MAPKAP1: variants seen among roughly 807,000 people sequenced by gnomAD.
MAPKAP1 encodes MAPK associated protein 1.
MAPKAP1 carries 20 observed loss-of-function variants against 65.7 expected under a neutral mutation model. That is an observed-to-expected ratio of 0.30 (90% CI 0.21 to 0.44). MAPKAP1 has a LOEUF of 0.44. Ranked by LOEUF, MAPKAP1 falls within the 20% of genes least tolerant of loss-of-function variation. The probability of loss-of-function intolerance (pLI) is 1.00; values close to 1 mark genes in which losing one functional copy is unlikely to be tolerated. For synonymous variants in MAPKAP1, 222 were observed against 244.3 expected (o/e 0.91, Z 0.85); for missense variants, 423 against 648.0 (o/e 0.65, Z 3.77).
chr9:125,538,314 C>G (rs1320418425), intron 7 of MAPKAP1, among the ~76,000 whole-genome samples: 3 of 152,014 alleles, frequency 2.0e-5, no homozygotes, highest in Admixed American at 2.0e-4. Context: ...TGACTTGGAC[C>G]CATCCAACAG....
At chr9:125,517,897 T>C (rs1433363162) in intron 7 of MAPKAP1, among the ~76,000 whole-genome samples, 1 of 152,156 alleles carries the variant, frequency 6.6e-6, no homozygotes, top group Non-Finnish European at 1.5e-5. Flanking sequence ...AGAAGTACTT[T>C]TGTCTATTTG....
At chr9:125,577,248 G>A (rs1460813821) in intron 5 of MAPKAP1, among the ~76,000 whole-genome samples, 2 of 149,638 alleles carry the variant, frequency 1.3e-5, no homozygotes, top group Admixed American at 6.6e-5. Context: ...CCTGGCAACC[G>A]CCCCGTCTGA....
chr9:125,451,514 G>C (rs1420004224), intron 10 of MAPKAP1, among the ~76,000 whole-genome samples: 1 of 152,124 alleles, frequency 6.6e-6, no homozygotes, highest in Non-Finnish European at 1.5e-5. Context: ...CCTTTCTCCA[G>C]AGTTTCAGAG....
intron 1 of MAPKAP1, among the ~76,000 whole-genome samples, chr9:125,673,005 T>C (rs1169372658): frequency 6.6e-6 from 1 of 152,220 alleles, no homozygotes; most frequent in African/African-American, 2.4e-5. Context: ...TATAAGGTCA[T>C]GGGGGAACAA....
chr9:125,673,201 A>G (rs1000058488), intron 1 of MAPKAP1, among the ~76,000 whole-genome samples: 9 of 152,136 alleles, frequency 5.9e-5, no homozygotes, highest in African/African-American at 2.2e-4. Flanking sequence ...TTTTCCTGTC[A>G]AGATAGTATT....
At chr9:125,521,327 TGTTA>T in intron 7 of MAPKAP1, 1 of 323,390 alleles carries the variant, frequency 3.1e-6, no homozygotes, top group Admixed American at 6.3e-5. Flanking sequence ...AGATATCACT[TGTTA>T]GAGAGGTTGG....
chr9:125,641,861 A>G (rs1324497041), intron 4 of MAPKAP1, among the ~76,000 whole-genome samples: 3 of 150,890 alleles, frequency 2.0e-5, no homozygotes, highest in Admixed American at 1.3e-4. Context: ...GTGAAACCCC[A>G]TCTCTACTAA....
rs1331684499 is a variant in MAPKAP1 at position 125,438,929 on chromosome 9, C to A, written c.1527G>T (p.Thr509=). Reference sequence around the variant, plus strand: ...TCTTCTCCTTCTGGAAGCTGAAGCTCGTACGTCTGTTCAGTTTTCTTTGTT... The same window carrying A: ...TCTTCTCCTTCTGGAAGCTGAAGCTAGTACGTCTGTTCAGTTTTCTTTGTT... ...AQKQRKLNRR[T]SFSFQKEKKS... is the part of the protein sequence containing the mutation. Residue 509 remains threonine, a synonymous_variant, in exon 12 of 12, where the codon ACG becomes ACT. Coordinates refer to ENST00000265960, the MANE Select transcript of MAPKAP1 (RefSeq NM_001006617.3). 1.2e-6 allele frequency: 2 copies of A among 1,614,214 alleles called. No homozygotes were observed. The highest frequency in any genetic ancestry group is 3.3e-5 in the Admixed American group (2 of 60,032).
At chr9:125,571,687 C>T (rs79030052) in intron 5 of MAPKAP1, among the ~76,000 whole-genome samples, 1 of 89,424 alleles carries the variant, frequency 1.1e-5, no homozygotes, top group African/African-American at 3.5e-5. Context: ...GGTGAAACCC[C>T]ATCTTTACTA....
chr9:125,610,321 G>A (rs1416415418), intron 4 of MAPKAP1, among the ~76,000 whole-genome samples: 1 of 152,056 alleles, frequency 6.6e-6, no homozygotes, highest in Non-Finnish European at 1.5e-5. Context: ...ACAGAAAACA[G>A]TTAAACATAT....
At chr9:125,682,517 CA>C in intron 1 of MAPKAP1, among the ~76,000 whole-genome samples, 1 of 152,362 alleles carries the variant, frequency 6.6e-6, no homozygotes, top group South Asian at 2.1e-4. Context: ...CCCAAAACTT[CA>C]AACCTGCCAA....
chr9:125,580,453 G>A (rs1300311481), intron 5 of MAPKAP1, among the ~76,000 whole-genome samples: 1 of 149,348 alleles, frequency 6.7e-6, no homozygotes, highest in African/African-American at 2.5e-5. Context: ...TCCAAACACC[G>A]CAAGTTCTCA....
At chr9:125,630,052 A>G (rs899903708) in intron 4 of MAPKAP1, among the ~76,000 whole-genome samples, 2 of 152,162 alleles carry the variant, frequency 1.3e-5, no homozygotes, top group Non-Finnish European at 2.9e-5. Flanking sequence ...AGGGTCAACT[A>G]AGGCCTTAGA....
At chr9:125,483,229 T>C (rs1441619479) in intron 9 of MAPKAP1, among the ~76,000 whole-genome samples, 1 of 152,218 alleles carries the variant, frequency 6.6e-6, no homozygotes, top group Non-Finnish European at 1.5e-5. Flanking sequence ...CAGGATAGAA[T>C]TGAGGCTCAG....
At chr9:125,696,201 ATAAAT>A (rs1835378522) in intron 1 of MAPKAP1, 1 of 152,184 alleles carries the variant, frequency 6.6e-6, no homozygotes, top group African/African-American at 2.4e-5. Context: ...ATTTGTTAAA[ATAAAT>A]TAAAACAGAC....
chr9:125,596,726 T>C (rs1832136992), intron 4 of MAPKAP1: 1 of 513,808 alleles, frequency 1.9e-6, no homozygotes, highest in South Asian at 1.5e-5. Flanking sequence ...CCAAGCACAG[T>C]GGTGGCAAGG....
At chr9:125,578,193 C>G (rs200182966) in intron 5 of MAPKAP1, among the ~76,000 whole-genome samples, 1 of 152,148 alleles carries the variant, frequency 6.6e-6, no homozygotes, top group Non-Finnish European at 1.5e-5. Flanking sequence ...GGATTAAGGG[C>G]GTGCAAGATG....
chr9:125,650,765 TA>T (rs1421181087), intron 4 of MAPKAP1, among the ~76,000 whole-genome samples: 1 of 152,198 alleles, frequency 6.6e-6, no homozygotes, highest in African/African-American at 2.4e-5. Flanking sequence ...GAACTCAGCA[TA>T]GAGGATTTAA....
At chr9:125,706,675 C>T (rs998015774) in intron 1 of MAPKAP1, among the ~76,000 whole-genome samples, 1 of 151,992 alleles carries the variant, frequency 6.6e-6, no homozygotes, top group Non-Finnish European at 1.5e-5. Flanking sequence ...AAGACCAGGG[C>T]ACCTAGATAT....
Sources: allele counts gnomAD v4.1 joint callset (sites outside exome capture counted in the v4.1 genomes callset), GRCh38; gene constraint gnomAD v4.1.1; transcripts MANE v1.5; gene names NCBI Gene and HGNC (gene_info 2026-07-23, HGNC 2026-07-21).